SART3: variants seen among roughly 807,000 people sequenced by gnomAD.
SART3 encodes the protein HIV-1 Tat-interacting protein of 110kDa.
In SART3, 44 loss-of-function variants were observed where a neutral mutation model predicts 122.3. The ratio of observed to expected loss-of-function variants is 0.36; its 90% CI spans 0.28 to 0.46. SART3 has a LOEUF of 0.46. SART3 is among the 20% of genes least tolerant of loss of function. The probability of loss-of-function intolerance (pLI) is 1.00; values close to 1 mark genes in which losing one functional copy is unlikely to be tolerated. For missense variants in SART3, 1,101 were observed against 1,229.0 expected, an observed-to-expected ratio of 0.90 and a Z score of 1.56; for synonymous variants, 442 against 454.0, an observed-to-expected ratio of 0.97 and a Z score of 0.34.
chr12:108,537,505 C>T lies in SART3; in HGVS notation c.1292G>A (p.Arg431Lys). Residue 431 changes from arginine (R) to lysine (K), a missense_variant, in exon 9 of 19, where the codon AGG becomes AAG. Coordinates refer to ENST00000546815, the MANE Select transcript of SART3 (RefSeq NM_014706.4). ...WQAYLDYLRR[R>K]VDFKQDSSKE... is the part of the protein sequence containing the mutation. ...TTAAATACCTTGTTTGAAATCAACC[C>T]TTCTCCTCAGGTAATCAAGGTATGC... 1 of 1,613,356 alleles carries T rather than the reference C, an allele frequency of 6.2e-7. No individual in the cohort carries two copies. The highest frequency in any genetic ancestry group is 8.5e-7 in the Non-Finnish European group (1 of 1,179,316).
chr12:108,558,551 C>T (rs369448335), intron 1 of SART3, among the ~76,000 whole-genome samples: 1 of 152,154 alleles, frequency 6.6e-6, no homozygotes, highest in Non-Finnish European at 1.5e-5. Context: ...GTACCCTCAC[C>T]AAGGACTTAA....
chr12:108,557,205 AGTTT>A (rs2030259208), intron 1 of SART3, among the ~76,000 whole-genome samples: 2 of 120,944 alleles, frequency 1.7e-5, no homozygotes, highest in Admixed American at 1.8e-4. Context: ...TTAATGACAT[AGTTT>A]TTTTTTTTTT....
chr12:108,540,124 T>C (rs1873091751), intron 6 of SART3, among the ~76,000 whole-genome samples: 1 of 147,904 alleles, frequency 6.8e-6, no homozygotes, highest in Non-Finnish European at 1.5e-5. Context: ...GCAGTGAAAT[T>C]AGAGGACAGC....
intron 1 of SART3, among the ~76,000 whole-genome samples, chr12:108,554,987 A>G (rs1457934799): frequency 6.6e-6 from 1 of 152,242 alleles, no homozygotes; most frequent in Admixed American, 6.5e-5. Context: ...ATACTGTATG[A>G]TTCCACTTAT....
intron 16 of SART3, 69 bp downstream of exon 16, chr12:108,526,030 G>A: frequency 1.6e-6 from 2 of 1,226,924 alleles, no homozygotes; most frequent in Middle Eastern, 1.9e-4. Flanking sequence ...AAATATCACT[G>A]CTGCAGGAAG....
chr12:108,558,697 T>C (rs2030333458), intron 1 of SART3, among the ~76,000 whole-genome samples: 1 of 152,190 alleles, frequency 6.6e-6, no homozygotes, highest in South Asian at 2.1e-4. Context: ...CACGCTGTGT[T>C]TGCTGAATGA....
chr12:108,531,464 C>A, intron 13 of SART3, 184 bp from the exon 14 acceptor site: 1 of 590,832 alleles, frequency 1.7e-6, no homozygotes, highest in South Asian at 2.0e-5. Context: ...TTAAAATGTC[C>A]CTCTCCTTTC....
In SART3 at chr12:108,560,997, G is replaced by A. The variant is rs1034534802; in HGVS notation, c.158C>T (p.Pro53Leu). The A allele has an allele frequency of 6.8e-6, 11 of 1,614,158 alleles. No individual in the cohort carries two copies. Among genetic ancestry groups the A allele is most frequent in the Non-Finnish European group, 8.5e-6 (10 of 1,180,020 alleles). ...GCCTTCCTCCTGCTGATCCCACGCT[G>A]GCCCCATGGTCTTGTATGTCGCAGC... is the stretch of plus-strand genomic sequence containing the variant. The part of the protein sequence containing the change: ...VAAATYKTMG[P>L]AWDQQEEGVS... Residue 53 changes from proline (P) to leucine (L), a missense_variant, in exon 1 of 19, where the codon CCA becomes CTA. Pro to Leu is a moderately conservative substitution (Grantham distance 98, BLOSUM62 -3). Transcript: ENST00000546815.
chr12:108,540,759 G>C (rs974471158), intron 6 of SART3, among the ~76,000 whole-genome samples: 1 of 151,884 alleles, frequency 6.6e-6, no homozygotes, highest in East Asian at 1.9e-4. Context: ...TAAACCAGTG[G>C]GACAGAACAG....
chr12:108,546,109 G>T (rs529840774), intron 3 of SART3, among the ~76,000 whole-genome samples: 1 of 151,970 alleles, frequency 6.6e-6, no homozygotes, highest in Non-Finnish European at 1.5e-5. Context: ...TATCATCTCA[G>T]AACAGTCTAT....
rs1222724198 is a variant in SART3, at chr12:108,543,061, C to T, written c.873G>A (p.Gln291=). ...VIQNYNKALQ[Q]LEKYKPYEEA... ...CTTCATAGGGTTTATATTTCTCCAG[C>T]TGCTGTAGTGCTTTGTTATAGTTCT... Residue 291 remains glutamine, a synonymous_variant, in exon 6 of 19, where the codon CAG becomes CAA. Transcript: ENST00000546815. 3 of 1,614,132 alleles carry T rather than the reference C, an allele frequency of 1.9e-6. No homozygotes were observed. The highest frequency in any genetic ancestry group is 2.5e-6 in the Non-Finnish European group (3 of 1,180,050).
At chr12:108,531,178 C>T in intron 14 of SART3, 26 bp downstream of exon 14, 1 of 1,604,034 alleles carries the variant, frequency 6.2e-7, no homozygotes, top group Non-Finnish European at 8.5e-7. Context: ...ACCAGAGGTG[C>T]CAAAGACTTC....
At chr12:108,558,214 T>C (rs969245267) in intron 1 of SART3, among the ~76,000 whole-genome samples, 3 of 152,046 alleles carry the variant, frequency 2.0e-5, no homozygotes, top group African/African-American at 7.2e-5. Flanking sequence ...CTCTCAAATA[T>C]GGCAAGGCCA....
intron 6 of SART3, among the ~76,000 whole-genome samples, chr12:108,540,211 C>G (rs913023243): frequency 6.6e-6 from 1 of 152,170 alleles, no homozygotes; most frequent in South Asian, 2.1e-4. Context: ...TTATACAAAC[C>G]GCTGACTTCT....
In SART3 at chr12:108,547,915, G is replaced by C; in HGVS notation, c.516C>G (p.Leu172=). 2 of 1,613,690 alleles carry C rather than the reference G, an allele frequency of 1.2e-6. No individual in the cohort carries two copies. Among genetic ancestry groups the C allele is most frequent in the Non-Finnish European group, 1.7e-6 (2 of 1,179,954 alleles). ...TGTAATCCTTCACGGCTTTCTCAAA[G>C]AGGTCATACACGTGCTCTCTGTCCA... ...DGLDREHVYD[L]FEKAVKDYIC... Residue 172 remains leucine, a synonymous_variant, in exon 3 of 19, where the codon CTC becomes CTG. Coordinates refer to ENST00000546815, the MANE Select transcript of SART3 (RefSeq NM_014706.4).
chr12:108,552,442 T>C lies in SART3; in HGVS notation c.313-3228A>G, dbSNP rs543717534. On this transcript the variant is annotated intron_variant, in intron 1 of 18. Coordinates refer to ENST00000546815, the MANE Select transcript of SART3 (RefSeq NM_014706.4). ...AAACTGTCCTGATTTGTAGATGATA[T>C]GGCTAAGTAGACAATCTTAAGGAAC... Among the ~76,000 whole-genome samples the C allele has an allele frequency of 4.8e-4, 69 of 144,750 alleles. 2 individuals carry two copies. In the South Asian group the frequency reaches 0.014, roughly 30 times the overall value. 95.0% of individuals were successfully genotyped at this position (144,750 alleles called of 152,430 possible).
chr12:108,528,444 C>T (rs140595026), intron 15 of SART3, among the ~76,000 whole-genome samples: 5,691 of 145,268 alleles, frequency 0.039, 135 homozygotes, highest in Middle Eastern at 0.074. Context: ...GATCACGCAA[C>T]TGCACTCCAG....
chr12:108,557,576 C>T (rs990398797), intron 1 of SART3, among the ~76,000 whole-genome samples: 5 of 152,176 alleles, frequency 3.3e-5, no homozygotes, highest in African/African-American at 1.2e-4. Context: ...GCGCTTTACG[C>T]ACATTGTGCC....
intron 1 of SART3, among the ~76,000 whole-genome samples, chr12:108,558,965 G>A (rs1459487737): frequency 1.8e-4 from 27 of 150,142 alleles, no homozygotes; most frequent in Non-Finnish European, 2.5e-4. Flanking sequence ...CCCGGGAGGC[G>A]GAGCTTGCAG....
Sources: allele counts gnomAD v4.1 joint callset (sites outside exome capture counted in the v4.1 genomes callset), GRCh38; gene constraint gnomAD v4.1.1; transcripts MANE v1.5; gene names NCBI Gene and HGNC (gene_info 2026-07-23, HGNC 2026-07-21).